Variants in PCBP3 observed in about 807,000 individuals in gnomAD.
PCBP3 encodes poly(rC)-binding protein 3.
Under a neutral mutation model 52.7 loss-of-function variants are expected in PCBP3, and 25 were observed. That is an observed-to-expected ratio of 0.47 (90% CI 0.35 to 0.66). PCBP3 has a LOEUF of 0.66. Among genes scored for constraint, PCBP3 ranks in the 30% least tolerant of loss-of-function variants. The probability of loss-of-function intolerance (pLI) is 0.01; values close to 1 mark genes in which losing one functional copy is unlikely to be tolerated. For missense variants in PCBP3, 391 were observed against 490.3 expected (o/e 0.80, Z 1.91); for synonymous variants, 162 against 183.0 (o/e 0.89, Z 0.93).
chr21:45,825,717 G>T (rs1199949357), intron 4 of PCBP3, among the ~76,000 whole-genome samples: 1 of 152,162 alleles, frequency 6.6e-6, no homozygotes, highest in Non-Finnish European at 1.5e-5. Context: ...TGGAAACTGG[G>T]AGGAGGGAAG....
In PCBP3 at chr21:45,886,275, G is replaced by T. The variant is rs375009253; in HGVS notation, c.11-9933G>T. On this transcript the variant is annotated intron_variant, in intron 5 of 17. Transcript: ENST00000681687. ...GGTGTGGAGGAGGCCTCATTGCCGC[G>T]GGTGCCAAGGGCAGAGGATGTGGTG... is the stretch of plus-strand genomic sequence containing the variant. 8.6e-3 allele frequency among the ~76,000 whole-genome samples: 222 copies of T among 25,736 alleles called. 12 individuals are homozygous for T. The highest frequency in any genetic ancestry group is 0.011 in the Non-Finnish European group (156 of 13,994). 16.9% of individuals were successfully genotyped at this position (25,736 alleles called of 152,430 possible). A position where few individuals can be genotyped will look rare whatever the true frequency, so the allele number is the denominator to read the frequency against.
intron 16 of PCBP3, 54 bp downstream of exon 16, chr21:45,935,359 TG>T (rs1230806230): frequency 7.4e-7 from 1 of 1,346,420 alleles, no homozygotes; most frequent in Admixed American, 1.8e-5. Context: ...CAGGCACAAG[TG>T]GCTGTCAGCT....
At chr21:45,852,593 T>C (rs9981714) in intron 5 of PCBP3, among the ~76,000 whole-genome samples, 75 of 133,158 alleles carry the variant, frequency 5.6e-4, no homozygotes, top group African/African-American at 2.0e-3. Flanking sequence ...GCCATGCTGA[T>C]TTTTGTTCAG....
chr21:45,814,649 G>GTGAGTGA (rs2092795438), intron 4 of PCBP3, among the ~76,000 whole-genome samples: 1 of 95,630 alleles, frequency 1.0e-5, no homozygotes. Context: ...TGAGTGAGTG[G>GTGAGTGA]TGAGTGAGTG....
intron 5 of PCBP3, among the ~76,000 whole-genome samples, chr21:45,860,631 AC>A (rs1457339082): frequency 6.6e-6 from 1 of 152,190 alleles, no homozygotes; most frequent in East Asian, 1.9e-4. Context: ...ACCGAAGCCC[AC>A]CTGAAAGAGC....
chr21:45,923,287 G>A (rs1048786159), intron 13 of PCBP3, among the ~76,000 whole-genome samples: 1 of 152,200 alleles, frequency 6.6e-6, no homozygotes, highest in Non-Finnish European at 1.5e-5. Context: ...ATGCCGAGGG[G>A]CCCAGCCTCT....
At chr21:45,884,556 G>A (rs945718840) in intron 5 of PCBP3, among the ~76,000 whole-genome samples, 10 of 151,874 alleles carry the variant, frequency 6.6e-5, no homozygotes, top group Non-Finnish European at 7.4e-5. Flanking sequence ...TATATGTCAC[G>A]TGTGTGTGCA....
chr21:45,772,130 C>A (rs534751395), intron 4 of PCBP3, among the ~76,000 whole-genome samples: 71 of 152,168 alleles, frequency 4.7e-4, no homozygotes, highest in Non-Finnish European at 9.4e-4. Context: ...ATACATTCAC[C>A]CTACTCTGAT....
intron 2 of PCBP3, among the ~76,000 whole-genome samples, chr21:45,694,702 A>G (rs2082668447): frequency 1.3e-5 from 2 of 152,240 alleles, no homozygotes; most frequent in Non-Finnish European, 2.9e-5. Flanking sequence ...AGACCACTCA[A>G]TTATATTTCT....
At chr21:45,676,395 T>G (rs1313607822) in intron 2 of PCBP3, among the ~76,000 whole-genome samples, 2 of 152,174 alleles carry the variant, frequency 1.3e-5, no homozygotes, top group Admixed American at 6.5e-5. Flanking sequence ...ATTTAAGGTT[T>G]GTGGCAACCC....
chr21:45,780,632 T>A (rs996220473), intron 4 of PCBP3, among the ~76,000 whole-genome samples: 1 of 152,186 alleles, frequency 6.6e-6, no homozygotes, highest in African/African-American at 2.4e-5. Context: ...TCTGGGTGTG[T>A]GGCTCGGGTG....
intron 5 of PCBP3, among the ~76,000 whole-genome samples, chr21:45,867,198 G>A (rs539477024): frequency 2.6e-5 from 4 of 152,336 alleles, no homozygotes; most frequent in Admixed American, 2.0e-4. Context: ...AAGGGAAGGC[G>A]GCGGACGGAA....
At chr21:45,845,874 T>C (rs1009351304) in intron 4 of PCBP3, among the ~76,000 whole-genome samples, 2 of 152,226 alleles carry the variant, frequency 1.3e-5, no homozygotes, top group African/African-American at 4.8e-5. Context: ...TTCAGCAAGA[T>C]GTTAAAGCCA....
In PCBP3 at chr21:45,806,163, G is replaced by A. The variant is rs550282321; in HGVS notation, c.-125-43798G>A. Among the ~76,000 whole-genome samples the A allele has an allele frequency of 2.2e-3, 331 of 152,366 alleles. 1 individual carries two copies. Among genetic ancestry groups the A allele is most frequent in the Non-Finnish European group, 4.0e-3 (269 of 68,034 alleles). ...GTGGAAGACCCCAGCAAAGCCACCC[G>A]GCTGCAGAATCGCAGAATCACCCTC... is the stretch of plus-strand genomic sequence containing the variant. On this transcript the variant is annotated intron_variant, in intron 4 of 17. Coordinates refer to ENST00000681687, the MANE Select transcript of PCBP3 (RefSeq NM_001384156.1).
intron 11 of PCBP3, among the ~76,000 whole-genome samples, chr21:45,912,382 C>T (rs1029945713): frequency 4.6e-5 from 7 of 152,146 alleles, no homozygotes; most frequent in Non-Finnish European, 1.0e-4. Flanking sequence ...CTGGGTCCGC[C>T]CTCAGATGAA....
intron 4 of PCBP3, among the ~76,000 whole-genome samples, chr21:45,814,334 TAGTGAGTGGTG>T (rs1051317265): frequency 3.0e-5 from 4 of 135,228 alleles, no homozygotes; most frequent in Non-Finnish European, 6.4e-5. Flanking sequence ...AGTGGTGAGC[TAGTGAGTGGTG>T]AGTGAGTGGT....
chr21:45,847,446 T>C (rs568318074), intron 4 of PCBP3, among the ~76,000 whole-genome samples: 1 of 152,368 alleles, frequency 6.6e-6, no homozygotes, highest in African/African-American at 2.4e-5. Flanking sequence ...TTGTTATTTT[T>C]GTTTATGTCA....
At chr21:45,728,911 C>T (rs1209835209) in intron 2 of PCBP3, among the ~76,000 whole-genome samples, 1 of 152,120 alleles carries the variant, frequency 6.6e-6, no homozygotes, top group Non-Finnish European at 1.5e-5. Context: ...ACTTAAAATG[C>T]AATTAAAGTG....
At chr21:45,923,205 C>T (rs1484528098) in intron 13 of PCBP3, among the ~76,000 whole-genome samples, 1 of 152,226 alleles carries the variant, frequency 6.6e-6, no homozygotes, top group African/African-American at 2.4e-5. Context: ...CCCTCTGGAA[C>T]CCTGTGGGGA....
Sources: allele counts gnomAD v4.1 joint callset (sites outside exome capture counted in the v4.1 genomes callset), GRCh38; gene constraint gnomAD v4.1.1; transcripts MANE v1.5; gene names NCBI Gene and HGNC (gene_info 2026-07-23, HGNC 2026-07-21).